Variants in PSD3 observed in about 807,000 individuals in gnomAD.
PSD3 encodes PH and SEC7 domain-containing protein 3.
PSD3 carries 49 observed loss-of-function variants against 105.5 expected under a neutral mutation model. That is an observed-to-expected ratio of 0.46 (90% CI 0.37 to 0.59). The LOEUF is 0.59. Ranked by LOEUF, PSD3 falls within the 20% of genes least tolerant of loss-of-function variation. The pLI, the probability that PSD3 is intolerant of heterozygous loss-of-function variation, is 0.00. For synonymous variants in PSD3, 557 were observed against 457.8 expected (o/e 1.22, Z -2.77); for missense variants, 1,561 against 1,263.8 (o/e 1.24, Z -3.57).
At chr8:18,786,502 C>T (rs1174039935) in intron 8 of PSD3, among the ~76,000 whole-genome samples, 1 of 152,190 alleles carries the variant, frequency 6.6e-6, no homozygotes, top group Non-Finnish European at 1.5e-5. Context: ...CCAATTTCAA[C>T]AGTGACCATA....
chr8:18,844,733 A>G (rs749228090), intron 4 of PSD3, among the ~76,000 whole-genome samples: 6 of 152,218 alleles, frequency 3.9e-5, no homozygotes, highest in Non-Finnish European at 7.3e-5. Context: ...AAGCACAAAA[A>G]CCAATGTGTA....
chr8:18,872,649 C>T lies in PSD3; in HGVS notation c.215G>A (p.Gly72Asp). ...ATCAAATTCCAGAGAAGCCCTTAGG[C>T]CTTCTCCACCTTCCTCCATGGTCCC... ...EYGTMEEGGEGLRASLEFDGE... is the reference protein window; with the variant it reads ...EYGTMEEGGEDLRASLEFDGE... Residue 72 changes from glycine to aspartate, a missense_variant, in exon 3 of 16, where the codon GGC becomes GAC. Transcript: ENST00000327040. 1.2e-6 allele frequency: 2 copies of T among 1,611,572 alleles called. No homozygotes were observed. The highest frequency in any genetic ancestry group is 8.5e-7 in the Non-Finnish European group (1 of 1,179,206).
intron 1 of PSD3, among the ~76,000 whole-genome samples, chr8:18,958,613 T>C (rs1186253654): frequency 6.6e-6 from 1 of 152,192 alleles, no homozygotes; most frequent in African/African-American, 2.4e-5. Flanking sequence ...ATGACCAACT[T>C]GGCTTTATCC....
intron 12 of PSD3, among the ~76,000 whole-genome samples, chr8:18,585,664 G>A (rs544990541): frequency 3.9e-5 from 6 of 152,102 alleles, no homozygotes; most frequent in Admixed American, 1.3e-4. Flanking sequence ...ATCAAGAAAG[G>A]ACTAAAAGAA....
intron 1 of PSD3, among the ~76,000 whole-genome samples, chr8:19,028,970 G>A (rs1015093967): frequency 6.6e-6 from 1 of 152,048 alleles, no homozygotes; most frequent in African/African-American, 2.4e-5. Flanking sequence ...AAAATCAATT[G>A]ACCATTATAT....
At chr8:18,734,507 G>A (rs551027043) in intron 9 of PSD3, 29 of 152,278 alleles carry the variant, frequency 1.9e-4, no homozygotes, top group African/African-American at 6.7e-4. Flanking sequence ...CTGGCAAGAT[G>A]ATCTTGGGTA....
At chr8:18,602,983 T>A (rs938166824) in intron 11 of PSD3, among the ~76,000 whole-genome samples, 1 of 152,138 alleles carries the variant, frequency 6.6e-6, no homozygotes, top group African/African-American at 2.4e-5. Flanking sequence ...ATGAACTTGA[T>A]GAGAGGAAGA....
In PSD3 at chr8:19,011,769, TAA is replaced by T. The variant is rs71545539; in HGVS notation, c.21+1792_21+1793del. Reference sequence around the variant, plus strand: ...AAATCAAGCTTCTTATGCTCGCATTTAAAAAAAAAAAAACAACAACAACATTC... The same window carrying T: ...AAATCAAGCTTCTTATGCTCGCATTTAAAAAAAAAAACAACAACAACATTC... On this transcript the variant is annotated intron_variant, in intron 1 of 15. Transcript: ENST00000327040. Among the ~76,000 whole-genome samples, 29 of 147,632 alleles carry T rather than the reference TAA, an allele frequency of 2.0e-4. No individual in the cohort carries two copies. In the South Asian group the frequency reaches 2.1e-3, roughly 11 times the overall value.
At chr8:18,658,839 T>C (rs951537519) in intron 9 of PSD3, among the ~76,000 whole-genome samples, 3 of 152,118 alleles carry the variant, frequency 2.0e-5, no homozygotes, top group Non-Finnish European at 4.4e-5. Context: ...GCCTCAGGGA[T>C]CCAGGAATTT....
At chr8:18,540,199 T>G (rs1585199794) in intron 15 of PSD3, among the ~76,000 whole-genome samples, 2 of 152,206 alleles carry the variant, frequency 1.3e-5, no homozygotes, top group African/African-American at 4.8e-5. Flanking sequence ...TAGAAGGTGG[T>G]AGGCAATAAG....
chr8:18,752,563 TATTA>T (rs1255928051), intron 9 of PSD3, among the ~76,000 whole-genome samples: 4 of 84,922 alleles, frequency 4.7e-5, no homozygotes, highest in East Asian at 7.0e-4. Context: ...TAATTATATA[TATTA>T]TATATATAAT....
intron 9 of PSD3, among the ~76,000 whole-genome samples, chr8:18,701,245 C>G (rs1300333653): frequency 6.6e-6 from 1 of 151,508 alleles, no homozygotes. Flanking sequence ...TCTGAGATTA[C>G]AGGTGCAAGT....
chr8:18,723,104 TC>T (rs1803111913), intron 9 of PSD3, among the ~76,000 whole-genome samples: 1 of 152,060 alleles, frequency 6.6e-6, no homozygotes, highest in African/African-American at 2.4e-5. Context: ...CAAACCATGC[TC>T]CGTTGAATTG....
At chr8:18,933,094 C>T (rs79070254) in intron 2 of PSD3, among the ~76,000 whole-genome samples, 3,046 of 152,316 alleles carry the variant, frequency 0.02, 90 homozygotes, top group African/African-American at 0.068. Context: ...CAAAGGTGCT[C>T]ATTAAATGTA....
At chr8:18,863,818 T>C (rs1816631733) in intron 4 of PSD3, among the ~76,000 whole-genome samples, 1 of 152,188 alleles carries the variant, frequency 6.6e-6, no homozygotes, top group South Asian at 2.1e-4. Flanking sequence ...GAATATTTTC[T>C]TCTTTGACTT....
chr8:18,843,286 G>C (rs575240675), intron 4 of PSD3, among the ~76,000 whole-genome samples: 1 of 151,482 alleles, frequency 6.6e-6, no homozygotes, highest in Non-Finnish European at 1.5e-5. Context: ...GCGTGAACCC[G>C]GGAGGCGGAG....
intron 1 of PSD3, among the ~76,000 whole-genome samples, chr8:19,078,928 A>G (rs1829550688): frequency 6.6e-6 from 1 of 150,952 alleles, no homozygotes; most frequent in African/African-American, 2.4e-5. Flanking sequence ...GAAAAACAAG[A>G]CCTATTGGAG....
chr8:18,608,366 T>A (rs76827607), intron 11 of PSD3, among the ~76,000 whole-genome samples: 4,801 of 152,298 alleles, frequency 0.032, 142 homozygotes, highest in East Asian at 0.15. Context: ...TGGGGGCTGC[T>A]TCCTGACCAG....
chr8:18,885,611 C>T (rs1818402470), intron 2 of PSD3, among the ~76,000 whole-genome samples: 1 of 152,284 alleles, frequency 6.6e-6, no homozygotes, highest in Admixed American at 6.5e-5. Flanking sequence ...CCTCACTCAG[C>T]CTCCAGTGTG....
Sources: allele counts gnomAD v4.1 joint callset (sites outside exome capture counted in the v4.1 genomes callset), GRCh38; gene constraint gnomAD v4.1.1; transcripts MANE v1.5; gene names NCBI Gene and HGNC (gene_info 2026-07-23, HGNC 2026-07-21).